NIPAL2: variants seen among roughly 807,000 people sequenced by gnomAD.
The protein encoded by NIPAL2 is NIPA like domain containing 2.
NIPAL2 carries 43 observed loss-of-function variants against 48.9 expected under a neutral mutation model. That is an observed-to-expected ratio of 0.88 (90% CI 0.69 to 1.13). The LOEUF is 1.13. Among genes scored for constraint, NIPAL2 ranks in the 50% most tolerant of loss-of-function variants. NIPAL2 has a pLI of 0.00. For missense variants in NIPAL2, 446 were observed against 461.4 expected (o/e 0.97, Z 0.31); for synonymous variants, 167 against 174.6 (o/e 0.96, Z 0.34).
chr8:98,250,249 C>T (rs946824194), intron 3 of NIPAL2, among the ~76,000 whole-genome samples: 6 of 152,072 alleles, frequency 3.9e-5, no homozygotes, highest in Admixed American at 1.3e-4. Context: ...TCTTAAAGCT[C>T]CCAATAAATG....
intron 5 of NIPAL2, 150 bp from the exon 6 acceptor site, chr8:98,212,651 C>T: frequency 1.9e-6 from 1 of 533,244 alleles, no homozygotes; most frequent in African/African-American, 1.9e-5. Flanking sequence ...AGTATAAGCA[C>T]CTCGGCCATC....
intron 7 of NIPAL2, among the ~76,000 whole-genome samples, chr8:98,203,893 T>C (rs1810914339): frequency 6.6e-6 from 1 of 151,530 alleles, no homozygotes; most frequent in South Asian, 2.1e-4. Flanking sequence ...TACACATATG[T>C]AGGTATACGT....
rs186038200 is a variant in NIPAL2 at position 98,257,931 on chromosome 8, T to C, written c.136-3844A>G. On this transcript the variant is annotated intron_variant, in intron 1 of 10. Coordinates refer to ENST00000430223, the MANE Select transcript of NIPAL2 (RefSeq NM_001321635.2). ...TGCACATCTTATGTGTATTGATTGA[T>C]GTCTTATATCTCCCTAAAATGTATA... 7.7e-4 allele frequency among the ~76,000 whole-genome samples: 117 copies of C among 152,364 alleles called. 1 individual carries two copies. The highest frequency in any genetic ancestry group is 1.5e-3 in the Non-Finnish European group (101 of 68,032).
chr8:98,276,459 T>A (rs1416151310), intron 1 of NIPAL2, among the ~76,000 whole-genome samples: 1 of 152,246 alleles, frequency 6.6e-6, no homozygotes, highest in African/African-American at 2.4e-5. Flanking sequence ...GTTTATCTAT[T>A]CAGCTACTGA....
intron 8 of NIPAL2, 86 bp downstream of exon 8, chr8:98,203,022 C>G (rs1810876031): frequency 9.4e-7 from 1 of 1,066,020 alleles, no homozygotes; most frequent in Middle Eastern, 2.0e-4. Flanking sequence ...TCCTTACAAC[C>G]TAAAGATTTC....
intron 1 of NIPAL2, among the ~76,000 whole-genome samples, chr8:98,276,034 C>G (rs1033567340): frequency 2.0e-5 from 3 of 152,134 alleles, no homozygotes; most frequent in Non-Finnish European, 4.4e-5. Context: ...ACAGCCTTTC[C>G]CATTCTCATG....
intron 1 of NIPAL2, among the ~76,000 whole-genome samples, chr8:98,284,417 C>T (rs1278733823): frequency 2.1e-5 from 2 of 97,548 alleles, no homozygotes; most frequent in African/African-American, 1.0e-4. Flanking sequence ...CTCTCTCTCT[C>T]TCACACACAC....
chr8:98,283,447 T>C (rs778231277), intron 1 of NIPAL2, among the ~76,000 whole-genome samples: 9 of 152,162 alleles, frequency 5.9e-5, no homozygotes, highest in South Asian at 2.1e-4. Flanking sequence ...CTGTATAATA[T>C]TGGGGAGGAA....
chr8:98,233,313 GTTTTA>G (rs1306729794), intron 4 of NIPAL2, among the ~76,000 whole-genome samples: 1 of 148,480 alleles, frequency 6.7e-6, no homozygotes, highest in East Asian at 2.0e-4. Context: ...TTAATTAAAG[GTTTTA>G]TTTTGTTAGT....
rs1280805423 is a variant in NIPAL2 at position 98,191,388 on chromosome 8, G to A, written c.*1590C>T. On this transcript the variant is annotated 3_prime_UTR_variant, in exon 11 of 11. Transcript: ENST00000430223. ...TCTGAATGCATGGGACACTTGCTAC[G>A]ATGGCGGGAATTATTACCAGGAGTT... 6.6e-6 allele frequency: 1 copy of A among 152,192 alleles called. No individual in the cohort carries two copies. The highest frequency in any genetic ancestry group is 2.4e-5 in the African/African-American group (1 of 41,442). The allele number at this position is 152,192 out of a possible 1,614,324, so 9.4% of individuals were successfully genotyped here.
chr8:98,269,751 G>A (rs1291440039), intron 1 of NIPAL2, among the ~76,000 whole-genome samples: 1 of 152,022 alleles, frequency 6.6e-6, no homozygotes, highest in Non-Finnish European at 1.5e-5. Context: ...GGGTATGTTC[G>A]CAAGATGCTG....
At chr8:98,262,492 A>T (rs1814414827) in intron 1 of NIPAL2, among the ~76,000 whole-genome samples, 1 of 152,112 alleles carries the variant, frequency 6.6e-6, no homozygotes, top group Non-Finnish European at 1.5e-5. Flanking sequence ...GTCTCTGATA[A>T]AACAGACATT....
At chr8:98,233,059 A>G (rs6981654) in intron 4 of NIPAL2, among the ~76,000 whole-genome samples, 5,536 of 152,202 alleles carry the variant, frequency 0.036, 357 homozygotes, top group African/African-American at 0.13. Flanking sequence ...GGAGTTAGAG[A>G]CAAGCCTAGA....
intron 1 of NIPAL2, among the ~76,000 whole-genome samples, chr8:98,268,563 G>A (rs569402717): frequency 5.3e-5 from 8 of 151,146 alleles, no homozygotes; most frequent in African/African-American, 1.9e-4. Flanking sequence ...GGAGGTTGCA[G>A]TGAGCCAAAA....
chr8:98,236,668 G>C (rs1335698524), intron 3 of NIPAL2, among the ~76,000 whole-genome samples: 1 of 151,814 alleles, frequency 6.6e-6, no homozygotes, highest in African/African-American at 2.4e-5. Flanking sequence ...GGGCAACATA[G>C]TGAAACACCC....
At chr8:98,280,934 C>T (rs1001308194) in intron 1 of NIPAL2, among the ~76,000 whole-genome samples, 24 of 151,558 alleles carry the variant, frequency 1.6e-4, no homozygotes, top group African/African-American at 5.3e-4. Context: ...ATACACCCTC[C>T]TTTGCAGGCT....
At position 98,191,526 on chromosome 8, in the gene NIPAL2, A is replaced by C. The variant is rs565070955; in HGVS notation, c.*1452T>G. Reference sequence around the variant, plus strand: ...CCAGGAGTGCAGATTATGACAAAGAACAAAGCTAAAAGACCTGAGCCATTA... The same window carrying C: ...CCAGGAGTGCAGATTATGACAAAGACCAAAGCTAAAAGACCTGAGCCATTA... On this transcript the variant is annotated 3_prime_UTR_variant, in exon 11 of 11. Transcript: ENST00000430223. The C allele has an allele frequency of 5.1e-4, 78 of 152,310 alleles. No individual in the cohort carries two copies. The highest frequency in any genetic ancestry group is 1.8e-3 in the African/African-American group (75 of 41,566). The allele number at this position is 152,310 out of a possible 1,614,324, so 9.4% of individuals were successfully genotyped here. A position where few individuals can be genotyped will look rare whatever the true frequency, so the allele number is the denominator to read the frequency against.
At chr8:98,252,851 G>A (rs889107299) in intron 2 of NIPAL2, among the ~76,000 whole-genome samples, 5 of 151,952 alleles carry the variant, frequency 3.3e-5, no homozygotes, top group African/African-American at 7.3e-5. Flanking sequence ...GTTACCCCCC[G>A]ATCCACGGAT....
intron 6 of NIPAL2, among the ~76,000 whole-genome samples, chr8:98,207,124 G>T (rs936613135): frequency 6.6e-6 from 1 of 152,176 alleles, no homozygotes; most frequent in Non-Finnish European, 1.5e-5. Context: ...GTTTCCCAAC[G>T]GGACAATTAA....
Sources: allele counts gnomAD v4.1 joint callset (sites outside exome capture counted in the v4.1 genomes callset), GRCh38; gene constraint gnomAD v4.1.1; transcripts MANE v1.5; gene names NCBI Gene and HGNC (gene_info 2026-07-23, HGNC 2026-07-21).